ASIC2: variants seen among roughly 807,000 people sequenced by gnomAD.
The protein encoded by ASIC2 is acid sensing ion channel subunit 2.
A neutral mutation model predicts 57.3 loss-of-function variants in ASIC2; 25 were observed. The ratio of observed to expected loss-of-function variants is 0.44; its 90% CI spans 0.32 to 0.61. ASIC2 has a LOEUF of 0.61. Among genes scored for constraint, ASIC2 ranks in the 20% least tolerant of loss-of-function variants. The probability of loss-of-function intolerance (pLI) is 0.06; values close to 1 mark genes in which losing one functional copy is unlikely to be tolerated. For missense variants in ASIC2, 641 were observed against 738.1 expected (o/e 0.87, Z 1.52); for synonymous variants, 319 against 307.5 (o/e 1.04, Z -0.39).
At chr17:33,747,732 C>A (rs532741224) in intron 1 of ASIC2, among the ~76,000 whole-genome samples, 3 of 152,284 alleles carry the variant, frequency 2.0e-5, no homozygotes, top group Admixed American at 2.0e-4. Context: ...GGAGTGACTT[C>A]TCCAAGGCTA....
chr17:33,529,159 T>G (rs1444627186), intron 1 of ASIC2, among the ~76,000 whole-genome samples: 4 of 152,236 alleles, frequency 2.6e-5, no homozygotes, highest in Non-Finnish European at 5.9e-5. Flanking sequence ...TTGGACTAAA[T>G]TTTTAAGACT....
chr17:34,105,158 G>C (rs1266278034), intron 1 of ASIC2, among the ~76,000 whole-genome samples: 2 of 151,974 alleles, frequency 1.3e-5, no homozygotes, highest in Admixed American at 1.3e-4. Context: ...TCTTGTGTTA[G>C]TTTTAGTTTC....
chr17:33,626,656 G>A (rs1333490324), intron 1 of ASIC2, among the ~76,000 whole-genome samples: 1 of 152,148 alleles, frequency 6.6e-6, no homozygotes, highest in Admixed American at 6.5e-5. Context: ...TCAGCTGGAA[G>A]TCACCCTAGA....
In ASIC2 at chr17:33,874,098, A is replaced by G. The variant is rs141598960; in HGVS notation, c.555+281880T>C. Among the ~76,000 whole-genome samples, 88 of 152,264 alleles carry G rather than the reference A, an allele frequency of 5.8e-4. 1 individual carries two copies. The highest frequency in any genetic ancestry group is 2.0e-3 in the African/African-American group (83 of 41,552). On this transcript the variant is annotated intron_variant, in intron 1 of 9. Transcript: ENST00000359872. The stretch of plus-strand genomic sequence containing the variant: ...TAGGTTCTAATATTAATCAAATTGC[A>G]CTACTCAACTTCACCCTTTCTCCTA...
chr17:33,739,814 G>GAGAA (rs373569642), intron 1 of ASIC2, among the ~76,000 whole-genome samples: 42 of 99,998 alleles, frequency 4.2e-4, no homozygotes, highest in African/African-American at 1.6e-3. Context: ...GAAAGAAAGA[G>GAGAA]AGAAAGAAAG....
intron 1 of ASIC2, among the ~76,000 whole-genome samples, chr17:33,208,213 G>A (rs1344959903): frequency 6.6e-6 from 1 of 152,202 alleles, no homozygotes; most frequent in East Asian, 1.9e-4. Context: ...CTTACCTGCT[G>A]GTGTTGGTGT....
intron 1 of ASIC2, among the ~76,000 whole-genome samples, chr17:34,140,355 G>A (rs1309384518): frequency 6.6e-6 from 1 of 152,222 alleles, no homozygotes; most frequent in African/African-American, 2.4e-5. Context: ...AGCGGCATCT[G>A]TGTAAATTCC....
intron 1 of ASIC2, among the ~76,000 whole-genome samples, chr17:33,522,751 A>G (rs566991224): frequency 1.1e-3 from 173 of 152,306 alleles, no homozygotes; most frequent in African/African-American, 3.6e-3. Context: ...TCCAAGTGTT[A>G]GTTTTATTTG....
chr17:33,360,010 A>C (rs1251383414), intron 1 of ASIC2, among the ~76,000 whole-genome samples: 1 of 152,172 alleles, frequency 6.6e-6, no homozygotes, highest in Non-Finnish European at 1.5e-5. Context: ...ATAAAGCTGA[A>C]CTTACTCCTA....
At chr17:33,418,958 G>A (rs192776135) in intron 1 of ASIC2, among the ~76,000 whole-genome samples, 1 of 151,824 alleles carries the variant, frequency 6.6e-6, no homozygotes, top group Non-Finnish European at 1.5e-5. Context: ...TGTCAGGGGT[G>A]GGGGGCTGGG....
chr17:33,109,254 A>G (rs916114437), intron 2 of ASIC2, among the ~76,000 whole-genome samples: 4 of 152,224 alleles, frequency 2.6e-5, no homozygotes, highest in African/African-American at 9.6e-5. Flanking sequence ...ATTATAAAAA[A>G]GTTCAATTCC....
chr17:33,911,795 A>G (rs1424497298), intron 1 of ASIC2, among the ~76,000 whole-genome samples: 1 of 152,192 alleles, frequency 6.6e-6, no homozygotes, highest in Non-Finnish European at 1.5e-5. Context: ...TGGATTGAAT[A>G]CTACGCCATG....
At chr17:33,345,438 C>T (rs934224419) in intron 1 of ASIC2, among the ~76,000 whole-genome samples, 1 of 152,134 alleles carries the variant, frequency 6.6e-6, no homozygotes, top group African/African-American at 2.4e-5. Context: ...ATATGGGGGG[C>T]CTATGCCTCT....
At chr17:33,740,406 T>C (rs1405905501) in intron 1 of ASIC2, among the ~76,000 whole-genome samples, 1 of 152,174 alleles carries the variant, frequency 6.6e-6, no homozygotes, top group Admixed American at 6.5e-5. Context: ...CTTCTTCATA[T>C]GGCAGCAGGA....
intron 1 of ASIC2, among the ~76,000 whole-genome samples, chr17:33,206,501 G>A (rs1036995857): frequency 2.0e-5 from 3 of 152,202 alleles, no homozygotes; most frequent in African/African-American, 7.2e-5. Flanking sequence ...CAAGCCCAAA[G>A]CCATGCCCAA....
At chr17:33,660,927 C>T (rs1354574175) in intron 1 of ASIC2, among the ~76,000 whole-genome samples, 2 of 152,226 alleles carry the variant, frequency 1.3e-5, no homozygotes, top group Non-Finnish European at 2.9e-5. Context: ...CCAAGCCCAC[C>T]CCACCTTACA....
chr17:33,582,672 A>T (rs1375087073), intron 1 of ASIC2, among the ~76,000 whole-genome samples: 1 of 152,210 alleles, frequency 6.6e-6, no homozygotes, highest in Non-Finnish European at 1.5e-5. Context: ...CATATTTGCA[A>T]TTATTTCACA....
chr17:33,605,146 T>C (rs1305250036), intron 1 of ASIC2, among the ~76,000 whole-genome samples: 1 of 152,214 alleles, frequency 6.6e-6, no homozygotes, highest in African/African-American at 2.4e-5. Context: ...GTCTGTAACT[T>C]GCACAGATCT....
intron 6 of ASIC2, 73 bp from the exon 7 acceptor site, chr17:33,021,383 TC>T: frequency 8.1e-7 from 1 of 1,238,790 alleles, no homozygotes; most frequent in Non-Finnish European, 1.1e-6. Flanking sequence ...AATACAGCTT[TC>T]CCATGGAAAG....
Sources: gnomAD v4.1 joint callset for allele counts (sites outside exome capture counted in the v4.1 genomes callset) on GRCh38, gnomAD v4.1.1 for gene constraint, MANE v1.5 for transcripts, NCBI Gene and HGNC (gene_info 2026-07-23, HGNC 2026-07-21) for gene names.